DPYD: variants seen among roughly 807,000 people sequenced by gnomAD.
DPYD encodes the protein dihydropyrimidine dehydrogenase [NADP(+)].
DPYD carries 109 observed loss-of-function variants against 116.2 expected under a neutral mutation model. The observed-to-expected ratio is 0.94, with a 90% CI of 0.80 to 1.10. DPYD has a LOEUF of 1.10. DPYD is among the 50% of genes least tolerant of loss of function. DPYD has a pLI of 0.00. For synonymous variants in DPYD, 440 were observed against 432.0 expected (o/e 1.02, Z -0.23); for missense variants, 1,302 against 1,254.5 (o/e 1.04, Z -0.57).
intron 8 of DPYD, among the ~76,000 whole-genome samples, chr1:97,633,130 G>A (rs1223400236): frequency 6.6e-6 from 1 of 152,038 alleles, no homozygotes; most frequent in East Asian, 1.9e-4. Flanking sequence ...AGACCTGAAA[G>A]GTGAACCTAA....
At chr1:97,470,977 C>A (rs532766314) in intron 13 of DPYD, among the ~76,000 whole-genome samples, 1 of 151,424 alleles carries the variant, frequency 6.6e-6, no homozygotes, top group South Asian at 2.1e-4. Flanking sequence ...GCAACAAGAG[C>A]AAGACTTCAT....
At chr1:97,430,475 A>C (rs1675112024) in intron 14 of DPYD, among the ~76,000 whole-genome samples, 1 of 152,132 alleles carries the variant, frequency 6.6e-6, no homozygotes, top group African/African-American at 2.4e-5. Flanking sequence ...CTTTATTTAT[A>C]AGACTGATTT....
intron 6 of DPYD, 74 bp from the exon 7 acceptor site, chr1:97,691,872 T>C: frequency 8.5e-7 from 1 of 1,178,222 alleles, no homozygotes; most frequent in Non-Finnish European, 1.3e-6. Flanking sequence ...TAAAAAAAGG[T>C]AACATGTCTT....
At chr1:97,178,765 C>T (rs941738672) in intron 20 of DPYD, among the ~76,000 whole-genome samples, 12 of 152,174 alleles carry the variant, frequency 7.9e-5, no homozygotes, top group African/African-American at 2.9e-4. Flanking sequence ...TCCTCATAGG[C>T]TGGTTGTACT....
intron 2 of DPYD, among the ~76,000 whole-genome samples, chr1:97,872,177 C>A (rs1195230875): frequency 6.6e-6 from 1 of 151,874 alleles, no homozygotes; most frequent in East Asian, 1.9e-4. Flanking sequence ...AAAAACCCAA[C>A]CTCAAAGATA....
chr1:97,324,525 C>T (rs899478835), intron 16 of DPYD, among the ~76,000 whole-genome samples: 1 of 151,982 alleles, frequency 6.6e-6, no homozygotes, highest in Non-Finnish European at 1.5e-5. Context: ...GAGCTATTGG[C>T]CTGGCCGAGC....
intron 9 of DPYD, among the ~76,000 whole-genome samples, chr1:97,594,604 TG>T (rs1407977997): frequency 4.6e-5 from 7 of 152,116 alleles, no homozygotes; most frequent in Admixed American, 1.3e-4. Context: ...TTCATTCAGG[TG>T]GTTCTTCTTG....
intron 16 of DPYD, among the ~76,000 whole-genome samples, chr1:97,314,599 G>GT (rs1259688832): frequency 2.8e-5 from 4 of 144,416 alleles, no homozygotes; most frequent in Non-Finnish European, 4.5e-5. Context: ...TTAATTCTCT[G>GT]TGAGGACTCT....
intron 14 of DPYD, among the ~76,000 whole-genome samples, chr1:97,404,600 T>C (rs1486507284): frequency 6.6e-6 from 1 of 152,086 alleles, no homozygotes; most frequent in Non-Finnish European, 1.5e-5. Context: ...GAAATTAATA[T>C]GGCTACTCCT....
chr1:97,291,063 G>C (rs1166922275), intron 18 of DPYD, among the ~76,000 whole-genome samples: 2 of 152,240 alleles, frequency 1.3e-5, no homozygotes, highest in Non-Finnish European at 2.9e-5. Flanking sequence ...AGACATTTAT[G>C]CAGCCATCAG....
intron 16 of DPYD, among the ~76,000 whole-genome samples, chr1:97,368,552 C>T (rs1209112766): frequency 6.6e-6 from 1 of 152,140 alleles, no homozygotes; most frequent in Admixed American, 6.6e-5. Flanking sequence ...GGCAAGGCCT[C>T]TTACCACATA....
In DPYD at chr1:97,585,935, T is replaced by C. The variant is rs534175777; in HGVS notation, c.1128+7283A>G. ...AAAGGTATTTCAATGCACCTTCCCA[T>C]GTTCACAGAACAATTATGTCTTCCC... On this transcript the variant is annotated intron_variant, in intron 10 of 22. Transcript: ENST00000370192. 5.4e-5 allele frequency: 9 copies of C among 165,290 alleles called. No individual in the cohort carries two copies. The South Asian group carries it at 6.9e-4, about 13-fold the overall frequency. 10.2% of individuals were successfully genotyped at this position (165,290 alleles called of 1,614,324 possible).
At chr1:97,760,375 G>T (rs975383554) in intron 3 of DPYD, among the ~76,000 whole-genome samples, 7 of 151,928 alleles carry the variant, frequency 4.6e-5, no homozygotes, top group African/African-American at 1.7e-4. Flanking sequence ...CACATCTGCA[G>T]ATCCAACAAA....
chr1:97,378,685 T>C (rs6665022), intron 15 of DPYD, among the ~76,000 whole-genome samples: 6,887 of 152,288 alleles, frequency 0.045, 272 homozygotes, highest in East Asian at 0.17. Context: ...ATACTCGAAC[T>C]GTATACTTCT....
intron 1 of DPYD, among the ~76,000 whole-genome samples, chr1:97,893,435 T>TATATAA (rs1035096637): frequency 7.4e-6 from 1 of 135,572 alleles, no homozygotes; most frequent in Non-Finnish European, 1.6e-5. Flanking sequence ...ATCGCATATA[T>TATATAA]ATATATATAT....
intron 8 of DPYD, among the ~76,000 whole-genome samples, chr1:97,602,435 G>A (rs190104682): frequency 6.6e-6 from 1 of 152,034 alleles, no homozygotes; most frequent in East Asian, 1.9e-4. Context: ...AGCAATGAAT[G>A]TATTAAGAAG....
intron 16 of DPYD, among the ~76,000 whole-genome samples, chr1:97,343,293 T>C (rs1386462557): frequency 2.6e-5 from 4 of 152,078 alleles, no homozygotes; most frequent in African/African-American, 7.2e-5. Flanking sequence ...TTAATAATAG[T>C]TGAGTTTGGA....
chr1:97,574,752 C>A (rs1653149973), intron 10 of DPYD, among the ~76,000 whole-genome samples: 2 of 152,112 alleles, frequency 1.3e-5, no homozygotes, highest in African/African-American at 2.4e-5. Flanking sequence ...TTTGTCAATG[C>A]AATCAGAAGT....
chr1:97,831,822 T>G (rs918516619), intron 2 of DPYD, among the ~76,000 whole-genome samples: 12 of 151,588 alleles, frequency 7.9e-5, no homozygotes, highest in Non-Finnish European at 1.8e-4. Context: ...AATAAAATAC[T>G]GGAACAAAAC....
Sources: allele counts gnomAD v4.1 joint callset (sites outside exome capture counted in the v4.1 genomes callset), GRCh38; gene constraint gnomAD v4.1.1; transcripts MANE v1.5; gene names NCBI Gene and HGNC (gene_info 2026-07-23, HGNC 2026-07-21).